MTMR3: variants seen among roughly 807,000 people sequenced by gnomAD.
The protein encoded by MTMR3 is myotubularin related protein 3.
In MTMR3, 32 loss-of-function variants were observed where a neutral mutation model predicts 132.4. The observed-to-expected ratio is 0.24, with a 90% CI of 0.18 to 0.32. MTMR3 has a LOEUF of 0.32. Among genes scored for constraint, MTMR3 ranks in the 10% least tolerant of loss-of-function variants. The pLI, the probability that MTMR3 is intolerant of heterozygous loss-of-function variation, is 1.00. For synonymous variants in MTMR3, 556 were observed against 550.3 expected (o/e 1.01, Z -0.14); for missense variants, 1,216 against 1,489.6 (o/e 0.82, Z 3.02).
chr22:29,927,458 T>C (rs973677807), intron 1 of MTMR3, among the ~76,000 whole-genome samples: 4 of 152,274 alleles, frequency 2.6e-5, no homozygotes, highest in African/African-American at 4.8e-5. Flanking sequence ...CTTAAAAGGT[T>C]ATCTTTAGAT....
At chr22:30,000,036 T>A (rs2067137257) in intron 8 of MTMR3, 1 of 152,126 alleles carries the variant, frequency 6.6e-6, no homozygotes, top group South Asian at 2.1e-4. Flanking sequence ...TGTAACCATT[T>A]AGCCATTACC....
rs535021460 is a variant in MTMR3 at position 29,917,566 on chromosome 22, G to T, written c.-138+34207G>T. On this transcript the variant is annotated intron_variant, in intron 1 of 19. Transcript: ENST00000401950. The stretch of plus-strand genomic sequence containing the variant: ...CTAGTATGTTTTCTAATCATAATGT[G>T]CAATTTTAAAAAAAAGTGTAATTTT... 9.2e-5 allele frequency among the ~76,000 whole-genome samples: 14 copies of T among 152,204 alleles called. No homozygotes were observed. The South Asian group carries it at 2.9e-3, about 32-fold the overall frequency.
intron 11 of MTMR3, chr22:30,008,577 C>T: frequency 6.2e-6 from 1 of 162,286 alleles, no homozygotes; most frequent in Non-Finnish European, 1.3e-5. Flanking sequence ...GCAGAGGCAC[C>T]AGGCTCTTTG....
intron 1 of MTMR3, among the ~76,000 whole-genome samples, chr22:29,925,418 T>A (rs1012884449): frequency 6.6e-6 from 1 of 152,148 alleles, no homozygotes; most frequent in African/African-American, 2.4e-5. Context: ...AGCCTAACCC[T>A]TGGAGATAAG....
intron 7 of MTMR3, chr22:29,995,649 A>G (rs2067046097): frequency 6.6e-6 from 1 of 152,252 alleles, no homozygotes; most frequent in Non-Finnish European, 1.5e-5. Context: ...ATGGAAATAT[A>G]AAGCCAAACA....
chr22:29,942,189 T>C (rs530526224), intron 1 of MTMR3, among the ~76,000 whole-genome samples: 1 of 152,208 alleles, frequency 6.6e-6, no homozygotes, highest in East Asian at 1.9e-4. Context: ...GAGAGAAATT[T>C]TAAAGCTGAA....
intron 1 of MTMR3, among the ~76,000 whole-genome samples, chr22:29,913,335 A>G (rs538222848): frequency 2.0e-5 from 3 of 152,342 alleles, no homozygotes; most frequent in Non-Finnish European, 4.4e-5. Flanking sequence ...TTTACAGTAA[A>G]GTGATCTATA....
rs145703649 is a variant in MTMR3 at position 29,896,869 on chromosome 22, T to TCTCTCACACACACA, written c.-138+13511_-138+13512insTCTCACACACACAC. Among the ~76,000 whole-genome samples, 7 of 138,148 alleles carry TCTCTCACACACACA rather than the reference T, an allele frequency of 5.1e-5. No individual in the cohort carries two copies. In the East Asian group the frequency reaches 1.3e-3, roughly 25 times the overall value. The allele number at this position is 138,148 out of a possible 152,430, so 90.6% of individuals were successfully genotyped here. A position where few individuals can be genotyped will look rare whatever the true frequency, so the allele number is the denominator to read the frequency against. On this transcript the variant is annotated intron_variant, in intron 1 of 19. Coordinates refer to ENST00000401950, the MANE Select transcript of MTMR3 (RefSeq NM_021090.4). ...TATAGTACAGAATAACAGGCTTGTC[T>TCTCTCACACACACA]CACACACACACACACACACACACAC...
At chr22:29,930,376 T>G (rs1305412763) in intron 1 of MTMR3, among the ~76,000 whole-genome samples, 1 of 152,222 alleles carries the variant, frequency 6.6e-6, no homozygotes, top group East Asian at 1.9e-4. Context: ...AGATCTTTTA[T>G]GTAGACTTCC....
At chr22:29,914,591 T>C (rs1324677533) in intron 1 of MTMR3, among the ~76,000 whole-genome samples, 2 of 152,204 alleles carry the variant, frequency 1.3e-5, no homozygotes, top group Non-Finnish European at 2.9e-5. Flanking sequence ...AAAAACTTAA[T>C]CTTTATGTAG....
chr22:29,949,105 A>C (rs1255208063), intron 1 of MTMR3, among the ~76,000 whole-genome samples: 1 of 16,436 alleles, frequency 6.1e-5, no homozygotes, highest in African/African-American at 3.9e-4. Flanking sequence ...TAAAACACAC[A>C]CACACACACA....
At chr22:29,984,825 T>C (rs549006827) in intron 5 of MTMR3, 1 of 152,324 alleles carries the variant, frequency 6.6e-6, no homozygotes, top group South Asian at 2.1e-4. Context: ...AAGCTACTTA[T>C]TTGTGAAAGA....
At chr22:29,921,815 A>G (rs1257920103) in intron 1 of MTMR3, among the ~76,000 whole-genome samples, 10 of 151,082 alleles carry the variant, frequency 6.6e-5, no homozygotes, top group Non-Finnish European at 1.2e-4. Context: ...TTCACTTAAC[A>G]TAATGTCTTT....
At chr22:30,006,861 C>G in intron 9 of MTMR3, 1 of 442,842 alleles carries the variant, frequency 2.3e-6, no homozygotes, top group South Asian at 2.3e-5. Context: ...TGCCTGACCC[C>G]TGTTAGTCAT....
In MTMR3 at chr22:30,030,640, G is replaced by A. The variant is rs948513810; in HGVS notation, c.*4839G>A. 2 of 103,250 alleles carry A rather than the reference G, an allele frequency of 1.9e-5. No homozygotes were observed. The highest frequency in any genetic ancestry group is 3.8e-5 in the Non-Finnish European group (2 of 52,648). The allele number at this position is 103,250 out of a possible 1,614,324, so 6.4% of individuals were successfully genotyped here. A position where few individuals can be genotyped will look rare whatever the true frequency, so the allele number is the denominator to read the frequency against. On this transcript the variant is annotated 3_prime_UTR_variant, in exon 20 of 20. Coordinates refer to ENST00000401950, the MANE Select transcript of MTMR3 (RefSeq NM_021090.4). ...AGGGGCTCTCAGCGAGGAGGGGGCG[G>A]GGGGGGGGTCACTATTTATCTTCCA...
intron 7 of MTMR3, chr22:29,994,802 G>A (rs761568763): frequency 2.0e-5 from 3 of 152,162 alleles, no homozygotes; most frequent in East Asian, 1.9e-4. Flanking sequence ...TAGTTAAGCC[G>A]GCTGTACTGT....
At position 30,002,995 on chromosome 22, in the gene MTMR3, T is replaced by C; in HGVS notation, c.671+2T>C. ...GCGCATCCCTGCCGTCATCTACAGG[T>C]AAGTTAAACTGGACCAGTCCCAGCT... On this transcript the variant is annotated splice_donor_variant, in intron 9 of 19. Transcript: ENST00000401950. LOFTEE classifies it high-confidence loss of function. 1 of 1,611,480 alleles carries C rather than the reference T, an allele frequency of 6.2e-7. No individual in the cohort carries two copies. The highest frequency in any genetic ancestry group is 8.5e-7 in the Non-Finnish European group (1 of 1,177,624).
chr22:30,020,359 T>C lies in MTMR3; in HGVS notation c.2700T>C (p.His900=), dbSNP rs780967647. The change falls in exon 17 of 20, where the codon CAT becomes CAC. Residue 900 remains histidine, a synonymous_variant. Transcript: ENST00000401950. ...GGCCCCAAGTGGGGTCTGTGGTGCA[T>C]AGGACTTCCCTTGGCAGCACTCTCA... The part of the protein sequence containing the change: ...VERPQVGSVV[H]RTSLGSTLSL... 39 of 1,614,048 alleles carry C rather than the reference T, an allele frequency of 2.4e-5. No individual in the cohort carries two copies. In the South Asian group the frequency reaches 4.2e-4, roughly 17 times the overall value.
chr22:30,027,010 A>G lies in MTMR3; in HGVS notation c.*1209A>G, dbSNP rs1024702745. ...CTTCGTAGGGTTCCTTAGAGAAGTGACATGGCCTTGAGGAGATTCAGGGCA... is the reference window on the plus strand; with the variant it reads ...CTTCGTAGGGTTCCTTAGAGAAGTGGCATGGCCTTGAGGAGATTCAGGGCA... On this transcript the variant is annotated 3_prime_UTR_variant, in exon 20 of 20. Transcript: ENST00000401950. The G allele has an allele frequency of 1.3e-5, 2 of 152,818 alleles. No individual in the cohort carries two copies. The highest frequency in any genetic ancestry group is 4.8e-5 in the African/African-American group (2 of 41,452). 9.5% of individuals were successfully genotyped at this position (152,818 alleles called of 1,614,324 possible). A position where few individuals can be genotyped will look rare whatever the true frequency, so the allele number is the denominator to read the frequency against.
Sources: gnomAD v4.1 joint callset for allele counts (sites outside exome capture counted in the v4.1 genomes callset) on GRCh38, gnomAD v4.1.1 for gene constraint, MANE v1.5 for transcripts, NCBI Gene and HGNC (gene_info 2026-07-23, HGNC 2026-07-21) for gene names.